The following DDB2 variants were observed in gnomAD, a reference collection of about 807,000 sequenced individuals.
DDB2 encodes the protein DNA damage-binding protein 2.
Under a neutral mutation model 50.5 loss-of-function variants are expected in DDB2, and 27 were observed. The observed-to-expected ratio is 0.53, with a 90% CI of 0.39 to 0.74. The LOEUF is 0.74. Among genes scored for constraint, DDB2 ranks in the 30% least tolerant of loss-of-function variants. DDB2 has a pLI of 0.00. For missense variants in DDB2, 424 were observed against 545.6 expected (o/e 0.78, Z 2.22); for synonymous variants, 176 against 205.5 (o/e 0.86, Z 1.23).
chr11:47,219,038 G>A (rs552284946), intron 3 of DDB2, among the ~76,000 whole-genome samples: 3 of 148,526 alleles, frequency 2.0e-5, no homozygotes, highest in Non-Finnish European at 4.5e-5. Context: ...TCCGCCTCCC[G>A]GATTCATGCC....
At position 47,215,065 on chromosome 11, in the gene DDB2, C is replaced by T. The variant is rs1953380228; in HGVS notation, c.-72C>T. On this transcript the variant is annotated 5_prime_UTR_variant, in exon 1 of 10. Coordinates refer to ENST00000256996, the MANE Select transcript of DDB2 (RefSeq NM_000107.3). ...GTTTTGTAGTCCCCGCCTTGTTTCT[C>T]CCCAGAGGCCTCTCAATCCTCCCTC... 6 of 1,610,820 alleles carry T rather than the reference C, an allele frequency of 3.7e-6. No individual in the cohort carries two copies. In the Admixed American group the frequency reaches 8.3e-5, roughly 22 times the overall value.
chr11:47,233,085 C>T (rs755367611), intron 4 of DDB2, 126 bp downstream of exon 4: 8 of 1,152,390 alleles, frequency 6.9e-6, no homozygotes, highest in Non-Finnish European at 1.0e-5. Flanking sequence ...CAGCCACTTT[C>T]CGCCCTTCTT....
rs1953512220 is a variant in DDB2, at chr11:47,223,304, G to A, written c.456+6255G>A. 3.3e-5 allele frequency among the ~76,000 whole-genome samples: 5 copies of A among 152,080 alleles called. No homozygotes were observed. The South Asian group carries it at 1.0e-3, about 32-fold the overall frequency. ...GTTTTAGACCAGCCTGGCTAACATGGTGAAACCCCGCCTCTACTAAAAATA... is the reference window on the plus strand; with the variant it reads ...GTTTTAGACCAGCCTGGCTAACATGATGAAACCCCGCCTCTACTAAAAATA... On this transcript the variant is annotated intron_variant, in intron 3 of 9. Coordinates refer to ENST00000256996, the MANE Select transcript of DDB2 (RefSeq NM_000107.3).
intron 7 of DDB2, among the ~76,000 whole-genome samples, chr11:47,236,286 A>T (rs1953725979): frequency 6.6e-6 from 1 of 152,116 alleles, no homozygotes; most frequent in Non-Finnish European, 1.5e-5. Context: ...TAATAAAAAT[A>T]AGTCTTTTAT....
chr11:47,234,894 C>T lies in DDB2; in HGVS notation c.840C>T (p.Ser280=). The T allele has an allele frequency of 6.2e-7, 1 of 1,614,240 alleles. No homozygotes were observed. Among genetic ancestry groups the T allele is most frequent in the Non-Finnish European group, 8.5e-7 (1 of 1,180,046 alleles). Residue 280 remains serine (S), a synonymous_variant, in exon 6 of 10, where the codon AGC becomes AGT. Coordinates refer to ENST00000256996, the MANE Select transcript of DDB2 (RefSeq NM_000107.3). The stretch of plus-strand genomic sequence containing the variant: ...TGCGCCAGGTTAGAGGGAAAGCCAG[C>T]TTCCTCTACTCGCTGCCGCACAGGC... ...WDLRQVRGKA[S]FLYSLPHRHP... is the part of the protein sequence containing the mutation.
rs376867947 is a variant in DDB2, at chr11:47,217,091, G to C, written c.456+42G>C. On this transcript the variant is annotated intron_variant, in intron 3 of 9. Coordinates refer to ENST00000256996, the MANE Select transcript of DDB2 (RefSeq NM_000107.3). Reference sequence around the variant, plus strand: ...GCCAGGTCGTGCTAAAGAAGTGTTTGTTGGCTGGGTGCAGTGGTTCGCACC... The same window carrying C: ...GCCAGGTCGTGCTAAAGAAGTGTTTCTTGGCTGGGTGCAGTGGTTCGCACC... The C allele has an allele frequency of 2.5e-6, 4 of 1,574,746 alleles. No homozygotes were observed. The African/African-American group carries it at 5.4e-5, about 21-fold the overall frequency.
intron 3 of DDB2, among the ~76,000 whole-genome samples, chr11:47,223,244 G>C (rs369707114): frequency 1.3e-5 from 2 of 152,172 alleles, no homozygotes; most frequent in African/African-American, 4.8e-5. Flanking sequence ...CAGCATTTTG[G>C]GGGGCCAAGG....
intron 3 of DDB2, among the ~76,000 whole-genome samples, chr11:47,229,464 C>T (rs573716186): frequency 8.5e-5 from 13 of 152,058 alleles, no homozygotes; most frequent in Admixed American, 3.9e-4. Context: ...ATTGTGCCCT[C>T]GGGAGGGTAA....
chr11:47,236,956 T>G (rs1410890265), intron 7 of DDB2, among the ~76,000 whole-genome samples: 1 of 152,246 alleles, frequency 6.6e-6, no homozygotes, highest in Non-Finnish European at 1.5e-5. Context: ...CATGTCTTTC[T>G]TCCTTCAAAA....
chr11:47,227,663 A>G (rs1953580327), intron 3 of DDB2, among the ~76,000 whole-genome samples: 1 of 152,064 alleles, frequency 6.6e-6, no homozygotes, highest in Non-Finnish European at 1.5e-5. Context: ...CACCACGCCC[A>G]GCTGGCCCGA....
At position 47,216,270 on chromosome 11, in the gene DDB2, C is replaced by T. The variant is rs186870004; in HGVS notation, c.128-66C>T. Reference sequence around the variant, plus strand: ...TGCCGAATGAAACAAGGCTTCCTTTCGGGGAATTCAGCAGAAAAACCTTTC... The same window carrying T: ...TGCCGAATGAAACAAGGCTTCCTTTTGGGGAATTCAGCAGAAAAACCTTTC... On this transcript the variant is annotated intron_variant, in intron 1 of 9. Coordinates refer to ENST00000256996, the MANE Select transcript of DDB2 (RefSeq NM_000107.3). The T allele has an allele frequency of 7.2e-3, 11,534 of 1,612,136 alleles. 49 individuals are homozygous for T. Among genetic ancestry groups the T allele is most frequent in the Non-Finnish European group, 8.9e-3 (10,453 of 1,178,466 alleles).
At chr11:47,216,166 C>G (rs1953397178) in intron 1 of DDB2, 170 bp from the exon 2 acceptor site, 1 of 1,000,996 alleles carries the variant, frequency 1.0e-6, no homozygotes. Flanking sequence ...AATCCTCACT[C>G]ATTTTTTTAT....
intron 4 of DDB2, chr11:47,233,173 C>T (rs907204626): frequency 2.8e-5 from 17 of 616,074 alleles, no homozygotes; most frequent in Non-Finnish European, 5.0e-5. Context: ...GTTCTGGAGC[C>T]TCAGCTCTTC....
intron 3 of DDB2, among the ~76,000 whole-genome samples, chr11:47,217,617 C>T (rs1468601772): frequency 1.3e-5 from 2 of 150,982 alleles, no homozygotes; most frequent in Non-Finnish European, 3.0e-5. Flanking sequence ...CTGGGCTGGG[C>T]GCAGTGGCTC....
rs1259738257 is a variant in DDB2 at position 47,235,320 on chromosome 11, G to A, written c.931G>A (p.Glu311Lys). 3.1e-6 allele frequency: 5 copies of A among 1,614,178 alleles called. No individual in the cohort carries two copies. The highest frequency in any genetic ancestry group is 1.3e-5 in the African/African-American group (1 of 75,050). Reference sequence around the variant, plus strand: ...GCTCCTGACCACGGACCAGAAGAGCGAGATCCGAGTTTACTCTGCTTCCCA... The same window carrying A: ...GCTCCTGACCACGGACCAGAAGAGCAAGATCCGAGTTTACTCTGCTTCCCA... ...ARLLTTDQKS[E>K]IRVYSASQWD... The change falls in exon 7 of 10, where the codon GAG becomes AAG. Residue 311 changes from glutamate to lysine, a missense_variant. Glu to Lys is a moderately conservative substitution (Grantham distance 56, BLOSUM62 1). Transcript: ENST00000256996.
At chr11:47,215,318 G>A (rs906520006) in intron 1 of DDB2, 55 bp downstream of exon 1, 109 of 1,611,412 alleles carry the variant, frequency 6.8e-5, no homozygotes, top group Non-Finnish European at 6.8e-5. Context: ...GCTCGCGCAG[G>A]AGGCTGCAGC....
chr11:47,234,915 C>T lies in DDB2; in HGVS notation c.861C>T (p.His287=), dbSNP rs1953702393. Residue 287 remains histidine, a synonymous_variant, in exon 6 of 10, where the codon CAC becomes CAT. Transcript: ENST00000256996. The part of the protein sequence containing the change: ...GKASFLYSLP[H]RHPVNAACFS... ...CCAGCTTCCTCTACTCGCTGCCGCA[C>T]AGGCATCCTGTCAACGCAGGTGTGA... 5 of 1,614,256 alleles carry T rather than the reference C, an allele frequency of 3.1e-6. No homozygotes were observed. Among genetic ancestry groups the T allele is most frequent in the African/African-American group, 1.3e-5 (1 of 75,062 alleles).
intron 3 of DDB2, among the ~76,000 whole-genome samples, chr11:47,219,485 C>G (rs1953451148): frequency 6.6e-6 from 1 of 151,938 alleles, no homozygotes; most frequent in Non-Finnish European, 1.5e-5. Context: ...TTCAGCCTCC[C>G]ATGTATCAGG....
intron 3 of DDB2, among the ~76,000 whole-genome samples, chr11:47,232,583 G>C (rs1953664752): frequency 6.6e-6 from 1 of 152,138 alleles, no homozygotes; most frequent in Non-Finnish European, 1.5e-5. Context: ...AGGCTGCAGT[G>C]AGCCGTGTTT....
Sources: allele counts gnomAD v4.1 joint callset (sites outside exome capture counted in the v4.1 genomes callset), GRCh38; gene constraint gnomAD v4.1.1; transcripts MANE v1.5; gene names NCBI Gene and HGNC (gene_info 2026-07-23, HGNC 2026-07-21).